Variants in TAOK3 observed in about 807,000 individuals in gnomAD.
TAOK3 encodes the protein serine/threonine-protein kinase TAO3.
A neutral mutation model predicts 120.4 loss-of-function variants in TAOK3; 40 were observed. That is an observed-to-expected ratio of 0.33 (90% CI 0.26 to 0.43). TAOK3 has a LOEUF of 0.43. Ranked by LOEUF, TAOK3 falls within the 20% of genes least tolerant of loss-of-function variation. The probability of loss-of-function intolerance (pLI) is 1.00; values close to 1 mark genes in which losing one functional copy is unlikely to be tolerated. For synonymous variants in TAOK3, 355 were observed against 387.5 expected (o/e 0.92, Z 0.99); for missense variants, 821 against 1,112.1 (o/e 0.74, Z 3.72).
rs2035225606 is a variant in TAOK3 at position 118,161,641 on chromosome 12, ACT to A, written c.2139+145_2139+146del. 9.3e-7 allele frequency: 1 copy of A among 1,071,508 alleles called. No individual in the cohort carries two copies. The allele number at this position is 1,071,508 out of a possible 1,614,324, so 66.4% of individuals were successfully genotyped here. ...CTCCTTTTCAGGAGCTTAAATATAG[ACT>A]CTGTGCTTTGCAACTGGAGATTCTG... On this transcript the variant is annotated intron_variant, in intron 18 of 20. Coordinates refer to ENST00000392533, the MANE Select transcript of TAOK3 (RefSeq NM_016281.4). This position sits in a 1 kb window ranked among gnomAD's most constrained non-coding sequence, Gnocchi z 4.5.
intron 9 of TAOK3, among the ~76,000 whole-genome samples, chr12:118,216,252 CA>C (rs2038895749): frequency 6.6e-6 from 1 of 152,092 alleles, no homozygotes; most frequent in African/African-American, 2.4e-5. Context: ...CTCAGCCTCC[CA>C]AAGTGCTGGG....
At chr12:118,314,295 T>C (rs2043370395) in intron 1 of TAOK3, among the ~76,000 whole-genome samples, 1 of 152,192 alleles carries the variant, frequency 6.6e-6, no homozygotes, top group Non-Finnish European at 1.5e-5. Context: ...AAAGGGTTTG[T>C]CCCTAAAGCA....
chr12:118,219,900 G>T (rs963635675), intron 9 of TAOK3, among the ~76,000 whole-genome samples: 2 of 133,546 alleles, frequency 1.5e-5, no homozygotes, highest in East Asian at 2.4e-4. Context: ...AGGCATGAGC[G>T]ACCATGCCTG....
In TAOK3 at chr12:118,214,095, G is replaced by A. The variant is rs2038762445; in HGVS notation, c.659C>T (p.Pro220Leu). Residue 220 changes from proline to leucine, a missense_variant, in exon 10 of 21, where the codon CCC (proline) becomes CTC (leucine). Physicochemically the swap from Pro to Leu is moderately conservative, Grantham distance 98 (BLOSUM62 -3). Around this residue, in one of 2 missense-constraint regions of TAOK3, gnomAD observed 467 missense variants for 540.0 expected, o/e 0.86. Transcript: ENST00000392533. Reference sequence around the variant, plus strand: ...ACTCATTGCATTCATGTTGAAAAGGGGCGGCTTCCGTTCCGCTGGAAGAGG... The same window carrying A: ...ACTCATTGCATTCATGTTGAAAAGGAGCGGCTTCCGTTCCGCTGGAAGAGG... The part of the protein sequence containing the change: ...TCIELAERKP[P>L]LFNMNAMSAL... 1.2e-6 allele frequency: 2 copies of A among 1,608,922 alleles called. No homozygotes were observed. Among genetic ancestry groups the A allele is most frequent in the African/African-American group, 1.3e-5 (1 of 74,476 alleles).
At chr12:118,329,565 A>G (rs962705300) in intron 1 of TAOK3, among the ~76,000 whole-genome samples, 10 of 152,204 alleles carry the variant, frequency 6.6e-5, no homozygotes, top group African/African-American at 2.4e-4. Context: ...GTTATCTTCC[A>G]TATGTCCCAT....
At chr12:118,175,892 C>T (rs1565898265) in intron 16 of TAOK3, among the ~76,000 whole-genome samples, 1 of 152,128 alleles carries the variant, frequency 6.6e-6, no homozygotes, top group Non-Finnish European at 1.5e-5. Flanking sequence ...TGGTCTTCAA[C>T]CAAATATTCC....
chr12:118,202,674 T>TA, intron 11 of TAOK3, among the ~76,000 whole-genome samples: 1 of 151,188 alleles, frequency 6.6e-6, no homozygotes, highest in African/African-American at 2.4e-5. Flanking sequence ...ATATAAGTAA[T>TA]AAAAAAATCA....
At chr12:118,288,746 T>C (rs1170417480) in intron 1 of TAOK3, among the ~76,000 whole-genome samples, 1 of 151,046 alleles carries the variant, frequency 6.6e-6, no homozygotes, top group Non-Finnish European at 1.5e-5. Flanking sequence ...TGAAACCCTG[T>C]CTCTACTAAA....
chr12:118,166,456 TG>T (rs1448459305), intron 17 of TAOK3, among the ~76,000 whole-genome samples: 1 of 151,694 alleles, frequency 6.6e-6, no homozygotes, highest in Non-Finnish European at 1.5e-5. Context: ...GAGAATCACT[TG>T]AACTCGGGAG....
intron 1 of TAOK3, among the ~76,000 whole-genome samples, chr12:118,267,623 A>C (rs2041509765): frequency 6.6e-6 from 1 of 150,610 alleles, no homozygotes; most frequent in South Asian, 2.1e-4. Flanking sequence ...GCAGTGGCTC[A>C]CGCCTGTAAT....
Position 118,371,302 on chromosome 12 carries a change from C to T in TAOK3, c.-194+1346G>A, listed in dbSNP as rs2045883727. On this transcript the variant is annotated intron_variant, in intron 1 of 20. Transcript: ENST00000392533. This position sits in a 1 kb window ranked among gnomAD's most constrained non-coding sequence, Gnocchi z 5.5. ...TTTGAAGAAGCCCCTTCCAACTTTT[C>T]ACCTGACCTTTTCATTAAGATCAGG... 6.6e-6 allele frequency among the ~76,000 whole-genome samples: 1 copy of T among 152,148 alleles called. No homozygotes were observed. Among genetic ancestry groups the T allele is most frequent in the African/African-American group, 2.4e-5 (1 of 41,444 alleles).
Position 118,224,252 on chromosome 12 carries a change from A to G in TAOK3, c.643+9422T>C, listed in dbSNP as rs137981420. 3.1e-3 allele frequency among the ~76,000 whole-genome samples: 467 copies of G among 152,292 alleles called. 1 individual carries two copies. Among genetic ancestry groups the G allele is most frequent in the Admixed American group, 6.7e-3 (102 of 15,288 alleles). On this transcript the variant is annotated intron_variant, in intron 9 of 20. Coordinates refer to ENST00000392533, the MANE Select transcript of TAOK3 (RefSeq NM_016281.4). ...ACTAGGCCATGGTATCTCTTCAATA[A>G]CTCTGTACATTTTAAGGTAGATAGC...
intron 3 of TAOK3, among the ~76,000 whole-genome samples, chr12:118,248,805 T>C (rs2040626104): frequency 6.6e-6 from 1 of 152,172 alleles, no homozygotes; most frequent in South Asian, 2.1e-4. Context: ...TGATTAGAAC[T>C]TAATGCTTCC....
chr12:118,284,399 C>T (rs1046306956), intron 1 of TAOK3, among the ~76,000 whole-genome samples: 27 of 152,122 alleles, frequency 1.8e-4, no homozygotes, highest in Admixed American at 1.2e-3. Context: ...AAGAGAAACA[C>T]GGTAGTAACA....
intron 2 of TAOK3, among the ~76,000 whole-genome samples, chr12:118,262,475 C>T (rs919084559): frequency 6.6e-6 from 1 of 151,708 alleles, no homozygotes; most frequent in African/African-American, 2.4e-5. Context: ...GGGCGAGACT[C>T]CATCTCAAAG....
At chr12:118,338,770 G>C (rs1408478710) in intron 1 of TAOK3, among the ~76,000 whole-genome samples, 1 of 112,412 alleles carries the variant, frequency 8.9e-6, no homozygotes, top group African/African-American at 3.5e-5. Context: ...GTGGTCGACA[G>C]AGTGAGACTC....
intron 7 of TAOK3, among the ~76,000 whole-genome samples, chr12:118,237,192 G>A (rs919359595): frequency 6.6e-6 from 1 of 152,182 alleles, no homozygotes; most frequent in Non-Finnish European, 1.5e-5. Context: ...GTACCAGTAA[G>A]TGGTCATGGC....
intron 2 of TAOK3, among the ~76,000 whole-genome samples, chr12:118,260,398 T>A (rs1028323353): frequency 2.6e-4 from 39 of 152,108 alleles, no homozygotes; most frequent in Admixed American, 2.3e-3. Context: ...TATAAAAATA[T>A]CCAGTATCTA....
chr12:118,261,946 T>A (rs896086760), intron 2 of TAOK3, among the ~76,000 whole-genome samples: 20 of 152,090 alleles, frequency 1.3e-4, no homozygotes, highest in Non-Finnish European at 2.6e-4. Flanking sequence ...CTGGAACCTC[T>A]GCCTCCCGGG....
Sources: gnomAD v4.1 joint callset for allele counts (sites outside exome capture counted in the v4.1 genomes callset) on GRCh38, gnomAD v4.1.1 for gene constraint, gnomAD v4.1.1 regional missense constraint, Gnocchi (gnomAD v3.1) non-coding constraint, MANE v1.5 for transcripts, NCBI Gene and HGNC (gene_info 2026-07-23, HGNC 2026-07-21) for gene names.